The following ASAP2 variants were observed in gnomAD, a reference collection of about 807,000 sequenced individuals.
ASAP2 encodes the protein ArfGAP with SH3 domain, ankyrin repeat and PH domain 2.
A neutral mutation model predicts 131.4 loss-of-function variants in ASAP2; 45 were observed. The ratio of observed to expected loss-of-function variants is 0.34; its 90% CI spans 0.27 to 0.44. The LOEUF (loss-of-function observed/expected upper bound fraction) is 0.44. Ranked by LOEUF, ASAP2 falls within the 20% of genes least tolerant of loss-of-function variation. The pLI is 1.00. For missense variants in ASAP2, 1,011 were observed against 1,297.0 expected (o/e 0.78, Z 3.39); for synonymous variants, 510 against 503.0 (o/e 1.01, Z -0.19).
At chr2:9,350,135 T>A (rs1001553855) in intron 11 of ASAP2, among the ~76,000 whole-genome samples, 1 of 152,190 alleles carries the variant, frequency 6.6e-6, no homozygotes, top group Non-Finnish European at 1.5e-5. Context: ...TTTTTGAAAC[T>A]GTAATAAAAT....
chr2:9,320,393 A>G, intron 5 of ASAP2, 56 bp downstream of exon 5: 1 of 1,341,280 alleles, frequency 7.5e-7, no homozygotes, highest in Non-Finnish European at 1.1e-6. Context: ...TCAAATTTAA[A>G]CCAACCTCGT....
At chr2:9,357,395 C>A (rs1270733283) in intron 14 of ASAP2, among the ~76,000 whole-genome samples, 1 of 152,106 alleles carries the variant, frequency 6.6e-6, no homozygotes, top group African/African-American at 2.4e-5. Context: ...AGGAGAATCA[C>A]TCGAATCCAG....
At chr2:9,299,906 A>G (rs1240105910) in intron 3 of ASAP2, among the ~76,000 whole-genome samples, 4 of 152,166 alleles carry the variant, frequency 2.6e-5, no homozygotes, top group African/African-American at 9.7e-5. Context: ...CACTTTACAG[A>G]TTAGATAACT....
chr2:9,315,135 T>A (rs1255807124), intron 3 of ASAP2, among the ~76,000 whole-genome samples: 1 of 151,928 alleles, frequency 6.6e-6, no homozygotes, highest in East Asian at 1.9e-4. Context: ...GAGAGTTCAG[T>A]TTGGAGAAAT....
chr2:9,218,917 G>T (rs1269519473), intron 1 of ASAP2, among the ~76,000 whole-genome samples: 1 of 152,214 alleles, frequency 6.6e-6, no homozygotes, highest in Non-Finnish European at 1.5e-5. Context: ...CCTCCTTGGA[G>T]ATATCACTGG....
intron 1 of ASAP2, among the ~76,000 whole-genome samples, chr2:9,275,721 C>T (rs1003420678): frequency 7.2e-5 from 11 of 152,176 alleles, no homozygotes; most frequent in Non-Finnish European, 1.5e-4. Flanking sequence ...GCATTTTGGG[C>T]TCATCATCCT....
intron 3 of ASAP2, among the ~76,000 whole-genome samples, chr2:9,315,672 A>G (rs1669619095): frequency 6.6e-6 from 1 of 152,142 alleles, no homozygotes; most frequent in South Asian, 2.1e-4. Flanking sequence ...TGTCAATGAC[A>G]GTGGAAATCT....
chr2:9,384,878 CAG>C (rs1675141948), intron 20 of ASAP2, among the ~76,000 whole-genome samples: 1 of 152,170 alleles, frequency 6.6e-6, no homozygotes, highest in Non-Finnish European at 1.5e-5. Context: ...GACCCACAGT[CAG>C]AAAAGTGGGG....
At chr2:9,259,296 C>T (rs1386310276) in intron 1 of ASAP2, among the ~76,000 whole-genome samples, 1 of 152,228 alleles carries the variant, frequency 6.6e-6, no homozygotes, top group East Asian at 1.9e-4. Context: ...TTTGCTGACC[C>T]TAGCAGCACA....
chr2:9,387,833 C>G (rs757243857), intron 21 of ASAP2, among the ~76,000 whole-genome samples: 1 of 152,170 alleles, frequency 6.6e-6, no homozygotes, highest in African/African-American at 2.4e-5. Context: ...CTCACACCTC[C>G]ACATGGCTGG....
At chr2:9,355,984 T>A in intron 12 of ASAP2, 63 bp from the exon 13 acceptor site, 1 of 1,571,280 alleles carries the variant, frequency 6.4e-7, no homozygotes, top group Non-Finnish European at 8.8e-7. Context: ...GAAACTATTT[T>A]CTTTTGGAAT....
intron 2 of ASAP2, among the ~76,000 whole-genome samples, chr2:9,287,271 G>T (rs62121299): frequency 6.6e-6 from 1 of 152,186 alleles, no homozygotes; most frequent in East Asian, 1.9e-4. Context: ...AAAATTCCAG[G>T]TGGTTTTGGT....
chr2:9,316,043 G>A (rs1308125704), intron 3 of ASAP2, among the ~76,000 whole-genome samples: 2 of 152,032 alleles, frequency 1.3e-5, no homozygotes, highest in Non-Finnish European at 1.5e-5. Context: ...TTTAGTCCAG[G>A]CGTGGTGGCT....
At chr2:9,400,672 T>G (rs1676584402) in intron 25 of ASAP2, 70 bp from the exon 26 acceptor site, 16 of 1,384,242 alleles carry the variant, frequency 1.2e-5, no homozygotes, top group Admixed American at 3.4e-5. Context: ...ACCCTGTGGC[T>G]TGTACATTGT....
intron 2 of ASAP2, among the ~76,000 whole-genome samples, chr2:9,296,404 G>T (rs1376553037): frequency 6.6e-6 from 1 of 152,214 alleles, no homozygotes. Flanking sequence ...GAAAATCCAT[G>T]CATGCATTTG....
intron 7 of ASAP2, among the ~76,000 whole-genome samples, chr2:9,332,748 C>T (rs1436885394): frequency 1.3e-5 from 2 of 152,180 alleles, no homozygotes; most frequent in East Asian, 3.8e-4. Context: ...TCTTAGAGAT[C>T]TCTGTCCTCC....
At chr2:9,339,325 A>G (rs1288248032) in intron 9 of ASAP2, among the ~76,000 whole-genome samples, 2 of 151,880 alleles carry the variant, frequency 1.3e-5, no homozygotes, top group Admixed American at 1.3e-4. Context: ...TGGCATTTGA[A>G]TCCTGGGTCT....
At chr2:9,211,026 A>G (rs1412080610) in intron 1 of ASAP2, among the ~76,000 whole-genome samples, 1 of 151,992 alleles carries the variant, frequency 6.6e-6, no homozygotes, top group East Asian at 2.0e-4. Flanking sequence ...GTGGTGGCGC[A>G]TGCCTGTAAT....
chr2:9,315,759 C>T (rs1669629628), intron 3 of ASAP2, among the ~76,000 whole-genome samples: 2 of 152,180 alleles, frequency 1.3e-5, no homozygotes, highest in Admixed American at 1.3e-4. Flanking sequence ...GTTCCTAAGA[C>T]CGCACCTTAA....
Sources: gnomAD v4.1 joint callset for allele counts (sites outside exome capture counted in the v4.1 genomes callset) on GRCh38, gnomAD v4.1.1 for gene constraint, MANE v1.5 for transcripts, NCBI Gene and HGNC (gene_info 2026-07-23, HGNC 2026-07-21) for gene names.